Variants in ABI2 observed in about 807,000 individuals in gnomAD.
The protein encoded by ABI2 is abl interactor 2, also known as abelson interactor 2.
In ABI2, 25 loss-of-function variants were observed where a neutral mutation model predicts 59.2. The observed-to-expected ratio is 0.42, with a 90% CI of 0.31 to 0.59. The LOEUF (loss-of-function observed/expected upper bound fraction) is 0.59. Ranked by LOEUF, ABI2 falls within the 20% of genes least tolerant of loss-of-function variation. The pLI is 0.14. For synonymous variants in ABI2, 213 were observed against 235.5 expected, an observed-to-expected ratio of 0.90 and a Z score of 0.87; for missense variants, 545 against 681.8, an observed-to-expected ratio of 0.80 and a Z score of 2.23.
intron 4 of ABI2, among the ~76,000 whole-genome samples, chr2:203,389,765 C>G (rs1394770903): frequency 6.6e-6 from 1 of 152,172 alleles, no homozygotes; most frequent in Non-Finnish European, 1.5e-5. Flanking sequence ...CATTGGTAGT[C>G]TCAACTTGAG....
chr2:203,424,110 G>T (rs1559397026), intron 11 of ABI2, among the ~76,000 whole-genome samples: 1 of 152,146 alleles, frequency 6.6e-6, no homozygotes, highest in Admixed American at 6.5e-5. Flanking sequence ...TGGAAAAAGT[G>T]ACTTTCTTCC....
chr2:203,390,369 C>T (rs187170691), intron 4 of ABI2, among the ~76,000 whole-genome samples: 28 of 152,306 alleles, frequency 1.8e-4, no homozygotes, highest in East Asian at 1.2e-3. Flanking sequence ...CAGTGGCTCA[C>T]GCCTGTAATC....
At chr2:203,367,754 G>A (rs2094596801) in intron 2 of ABI2, among the ~76,000 whole-genome samples, 1 of 151,996 alleles carries the variant, frequency 6.6e-6, no homozygotes, top group Non-Finnish European at 1.5e-5. Flanking sequence ...TGTAATCCCA[G>A]CACTTTGGGA....
At chr2:203,337,261 C>G (rs746147476) in intron 1 of ABI2, among the ~76,000 whole-genome samples, 14 of 152,122 alleles carry the variant, frequency 9.2e-5, no homozygotes, top group Non-Finnish European at 2.1e-4. Flanking sequence ...AAGACTCCAC[C>G]AAAAGACTGT....
chr2:203,338,983 A>ATAAATATATATAT (rs2078175801), intron 1 of ABI2, among the ~76,000 whole-genome samples: 3 of 12,354 alleles, frequency 2.4e-4, no homozygotes, highest in African/African-American at 7.9e-4. Flanking sequence ...TATATATATA[A>ATAAATATATATAT]ATATATATAT....
At chr2:203,409,539 A>G (rs1344751360) in intron 9 of ABI2, among the ~76,000 whole-genome samples, 1 of 152,210 alleles carries the variant, frequency 6.6e-6, no homozygotes, top group Non-Finnish European at 1.5e-5. Context: ...TAACATAGTT[A>G]GTGACATCTC....
chr2:203,382,263 T>C lies in ABI2; in HGVS notation c.480+57T>C, dbSNP rs187787323. On this transcript the variant is annotated intron_variant, in intron 4 of 11. Coordinates refer to ENST00000261018, the MANE Select transcript of ABI2 (RefSeq NM_001375670.1). ...TTGTTCTTATGTAGAATATTACATA[T>C]GGGGAGTTAAAGAGATTGTTAACTC... 8.7e-6 allele frequency: 12 copies of C among 1,378,660 alleles called. No homozygotes were observed. The South Asian group carries it at 1.1e-4, about 12-fold the overall frequency. The allele number at this position is 1,378,660 out of a possible 1,614,324, so 85.4% of individuals were successfully genotyped here.
At chr2:203,375,282 A>G (rs924855221) in intron 2 of ABI2, among the ~76,000 whole-genome samples, 6 of 152,164 alleles carry the variant, frequency 3.9e-5, no homozygotes, top group African/African-American at 1.4e-4. Context: ...AACAATAATT[A>G]TATTAATTGT....
chr2:203,374,740 C>T, intron 2 of ABI2: 1 of 419,150 alleles, frequency 2.4e-6, no homozygotes, highest in South Asian at 1.7e-5. Flanking sequence ...GAAACATTAG[C>T]TTACTAATAA....
chr2:203,345,244 C>T (rs1253908295), intron 1 of ABI2, among the ~76,000 whole-genome samples: 1 of 152,130 alleles, frequency 6.6e-6, no homozygotes, highest in African/African-American at 2.4e-5. Flanking sequence ...CCAGACACGC[C>T]ATTTTGAGAG....
chr2:203,360,449 T>C (rs2093325427), intron 1 of ABI2, among the ~76,000 whole-genome samples: 1 of 151,966 alleles, frequency 6.6e-6, no homozygotes, highest in South Asian at 2.1e-4. Context: ...AAATGGGATA[T>C]GATGAAGGGA....
intron 9 of ABI2, 59 bp from the exon 10 acceptor site, chr2:203,411,226 T>C: frequency 2.4e-6 from 3 of 1,263,714 alleles, no homozygotes; most frequent in Non-Finnish European, 3.5e-6. Context: ...GTATTATCCT[T>C]TCCTTTTAAT....
At chr2:203,330,223 A>G (rs1340490517) in intron 1 of ABI2, among the ~76,000 whole-genome samples, 1 of 151,992 alleles carries the variant, frequency 6.6e-6, no homozygotes, top group Admixed American at 6.6e-5. Flanking sequence ...ACCACTGTAT[A>G]AACCTGTTCC....
intron 4 of ABI2, among the ~76,000 whole-genome samples, chr2:203,384,784 T>C (rs977297697): frequency 6.6e-5 from 10 of 152,156 alleles, no homozygotes; most frequent in African/African-American, 2.2e-4. Context: ...CTTCTGACTT[T>C]TAATGTATTA....
At chr2:203,377,957 A>G (rs1011600619) in intron 2 of ABI2, among the ~76,000 whole-genome samples, 8 of 152,210 alleles carry the variant, frequency 5.3e-5, no homozygotes, top group Non-Finnish European at 1.0e-4. Flanking sequence ...CTCTAAAGTT[A>G]AAAATTAAGT....
At chr2:203,346,468 A>G (rs1189189118) in intron 1 of ABI2, among the ~76,000 whole-genome samples, 8 of 152,356 alleles carry the variant, frequency 5.3e-5, no homozygotes, top group African/African-American at 1.9e-4. Flanking sequence ...ATCAGCTGTA[A>G]GAAGGAAGGT....
intron 10 of ABI2, among the ~76,000 whole-genome samples, chr2:203,413,326 C>T (rs1354646532): frequency 6.6e-6 from 1 of 152,152 alleles, no homozygotes; most frequent in Non-Finnish European, 1.5e-5. Flanking sequence ...TCGCCAGTCA[C>T]CAGTGAAAGC....
chr2:203,381,118 T>G (rs1408436270), intron 3 of ABI2, among the ~76,000 whole-genome samples: 3 of 152,210 alleles, frequency 2.0e-5, no homozygotes, highest in Non-Finnish European at 4.4e-5. Flanking sequence ...ATTTTTTTTC[T>G]AATATAAACA....
intron 9 of ABI2, among the ~76,000 whole-genome samples, 178 bp from the exon 10 acceptor site, chr2:203,411,107 C>G (rs1207518054): frequency 1.3e-5 from 2 of 151,838 alleles, no homozygotes; most frequent in African/African-American, 2.4e-5. Context: ...TAAAAATTCC[C>G]CCAGTACTTT....
Sources: allele counts gnomAD v4.1 joint callset (sites outside exome capture counted in the v4.1 genomes callset), GRCh38; gene constraint gnomAD v4.1.1; transcripts MANE v1.5; gene names NCBI Gene and HGNC (gene_info 2026-07-23, HGNC 2026-07-21).